Variants in NCOA3 observed in about 807,000 individuals in gnomAD.
NCOA3 encodes nuclear receptor coactivator 3.
In NCOA3, 51 loss-of-function variants were observed where a neutral mutation model predicts 158.8. The ratio of observed to expected loss-of-function variants is 0.32; its 90% CI spans 0.26 to 0.41. The LOEUF (loss-of-function observed/expected upper bound fraction) is 0.41, where lower values mean the gene tolerates loss of function less well. NCOA3 is among the 10% of genes least tolerant of loss of function. The pLI is 1.00. For missense variants in NCOA3, 1,510 were observed against 1,746.6 expected (o/e 0.86, Z 2.41); for synonymous variants, 537 against 592.4 (o/e 0.91, Z 1.36).
At chr20:47,520,206 T>A (rs1396887527) in intron 1 of NCOA3, among the ~76,000 whole-genome samples, 1 of 152,010 alleles carries the variant, frequency 6.6e-6, no homozygotes, top group African/African-American at 2.4e-5. Context: ...CAATTATCAA[T>A]TAGAGGTTTT....
chr20:47,576,351 C>G (rs940355838), intron 1 of NCOA3, among the ~76,000 whole-genome samples: 2 of 152,110 alleles, frequency 1.3e-5, no homozygotes, highest in Non-Finnish European at 2.9e-5. Flanking sequence ...TATCTTTTTA[C>G]CATCCTATAA....
intron 1 of NCOA3, among the ~76,000 whole-genome samples, chr20:47,566,387 A>G (rs968564902): frequency 3.9e-5 from 6 of 152,200 alleles, no homozygotes; most frequent in East Asian, 1.9e-4. Flanking sequence ...ATATAGCGCT[A>G]TCTGTCTGGA....
intron 1 of NCOA3, 142 bp from the exon 2 acceptor site, chr20:47,583,041 C>T (rs559525278): frequency 3.1e-5 from 12 of 385,800 alleles, no homozygotes; most frequent in Admixed American, 1.3e-4. Flanking sequence ...GTGATTTGCC[C>T]GCCTTGCCTC....
Position 47,570,982 on chromosome 20 carries a change from A to ATGTGTGTGTGTG in NCOA3, c.-98-12200_-98-12199insGTGTGTGTGTGT, listed in dbSNP as rs1224807146. Among the ~76,000 whole-genome samples the ATGTGTGTGTGTG allele has an allele frequency of 9.7e-4, 78 of 80,502 alleles. 1 individual carries two copies. The highest frequency in any genetic ancestry group is 1.2e-3 in the South Asian group (3 of 2,470). The allele number at this position is 80,502 out of a possible 152,430, so 52.8% of individuals were successfully genotyped here. On this transcript the variant is annotated intron_variant, in intron 1 of 22. Transcript: ENST00000371998. Reference sequence around the variant, plus strand: ...CACACACACACACAAGTATATACATATATGTGTGTGTGTGTGTGTGTATAT... The same window carrying ATGTGTGTGTGTG: ...CACACACACACACAAGTATATACATATGTGTGTGTGTGTATGTGTGTGTGTGTGTGTGTATAT...
chr20:47,578,667 T>G (rs1038263858), intron 1 of NCOA3, among the ~76,000 whole-genome samples: 5 of 152,226 alleles, frequency 3.3e-5, no homozygotes, highest in African/African-American at 1.2e-4. Flanking sequence ...GATTTTGACG[T>G]TAAATTTAAC....
intron 1 of NCOA3, among the ~76,000 whole-genome samples, chr20:47,546,630 CA>C (rs1422733268): frequency 8.6e-5 from 13 of 151,172 alleles, no homozygotes; most frequent in African/African-American, 3.2e-4. Context: ...CTCCCGCATT[CA>C]AGTGATTCTT....
intron 1 of NCOA3, among the ~76,000 whole-genome samples, chr20:47,532,841 C>T (rs1473737019): frequency 6.6e-6 from 1 of 152,002 alleles, no homozygotes; most frequent in Non-Finnish European, 1.5e-5. Flanking sequence ...CGGTGGCTCA[C>T]ACCTGTAATC....
chr20:47,648,076 T>G (rs2086721362), intron 18 of NCOA3, among the ~76,000 whole-genome samples: 1 of 151,936 alleles, frequency 6.6e-6, no homozygotes. Context: ...GGCTAGTTTT[T>G]GTATTTTTAG....
At chr20:47,536,542 T>G (rs1242832853) in intron 1 of NCOA3, among the ~76,000 whole-genome samples, 1 of 152,252 alleles carries the variant, frequency 6.6e-6, no homozygotes, top group Non-Finnish European at 1.5e-5. Context: ...AGGAAAATAA[T>G]GTATTATCAT....
chr20:47,539,430 A>G (rs1002906698), intron 1 of NCOA3, among the ~76,000 whole-genome samples: 19 of 152,236 alleles, frequency 1.2e-4, no homozygotes, highest in African/African-American at 4.3e-4. Context: ...CTATATCCTT[A>G]GTGCTCAGAA....
chr20:47,619,256 A>G (rs1249105135), intron 2 of NCOA3, among the ~76,000 whole-genome samples: 1 of 152,240 alleles, frequency 6.6e-6, no homozygotes, highest in African/African-American at 2.4e-5. Context: ...TATCCATGGA[A>G]TAGTTTCTCC....
intron 1 of NCOA3, among the ~76,000 whole-genome samples, chr20:47,519,523 A>G (rs949125383): frequency 6.6e-6 from 1 of 152,236 alleles, no homozygotes; most frequent in Non-Finnish European, 1.5e-5. Flanking sequence ...TAGACTAGAA[A>G]GCAGTGGAGA....
At chr20:47,607,651 C>T (rs1199776034) in intron 2 of NCOA3, among the ~76,000 whole-genome samples, 1 of 152,074 alleles carries the variant, frequency 6.6e-6, no homozygotes, top group East Asian at 1.9e-4. Flanking sequence ...GTTAAGGGGT[C>T]TGACCCAACT....
At chr20:47,515,977 T>C (rs1003773033) in intron 1 of NCOA3, among the ~76,000 whole-genome samples, 1 of 152,184 alleles carries the variant, frequency 6.6e-6, no homozygotes, top group Non-Finnish European at 1.5e-5. Flanking sequence ...TGTGACATCT[T>C]AGAAAAGGCA....
intron 21 of NCOA3, 34 bp downstream of exon 21, chr20:47,652,614 C>A: frequency 2.5e-6 from 4 of 1,571,568 alleles, no homozygotes; most frequent in Non-Finnish European, 3.5e-6. Flanking sequence ...TTAGTCACAT[C>A]CTAGTCCCAG....
At chr20:47,628,320 G>T in intron 8 of NCOA3, 3 of 237,498 alleles carry the variant, frequency 1.3e-5, no homozygotes, top group Admixed American at 5.2e-5. Flanking sequence ...TCAGAATTTA[G>T]TATTTCTTTA....
intron 2 of NCOA3, among the ~76,000 whole-genome samples, chr20:47,601,786 A>G (rs567137401): frequency 1.3e-5 from 2 of 152,358 alleles, no homozygotes; most frequent in South Asian, 2.1e-4. Flanking sequence ...TTGCTTATGT[A>G]TAACCATTAC....
intron 1 of NCOA3, among the ~76,000 whole-genome samples, chr20:47,565,846 C>T (rs1050686056): frequency 1.3e-5 from 2 of 152,184 alleles, no homozygotes; most frequent in African/African-American, 4.8e-5. Context: ...ATAATACTCC[C>T]ATGACCATCC....
At chr20:47,515,310 G>A (rs561644074) in intron 1 of NCOA3, among the ~76,000 whole-genome samples, 2 of 151,538 alleles carry the variant, frequency 1.3e-5, no homozygotes, top group African/African-American at 4.8e-5. Context: ...CTACAGGCGC[G>A]CACCACCATG....
Sources: allele counts gnomAD v4.1 joint callset (sites outside exome capture counted in the v4.1 genomes callset), GRCh38; gene constraint gnomAD v4.1.1; transcripts MANE v1.5; gene names NCBI Gene and HGNC (gene_info 2026-07-23, HGNC 2026-07-21).